The following OR2L3 variants were observed in gnomAD, a reference collection of about 807,000 sequenced individuals.
OR2L3 encodes the protein olfactory receptor family 2 subfamily L member 3.
For missense variants in OR2L3, 369 were observed against 376.6 expected (o/e 0.98, Z 0.17); for synonymous variants, 131 against 139.1 (o/e 0.94, Z 0.41).
In OR2L3 at chr1:248,061,052, C is replaced by G; in HGVS notation, c.371C>G (p.Ala124Gly). Residue 124 changes from alanine to glycine, a missense_variant, in exon 2 of 2, where the codon GCT becomes GGT. Ala to Gly is a moderately conservative substitution (Grantham distance 60, BLOSUM62 0). Transcript: ENST00000359959. ...TCTATGGCCTATGATCGTTACATTG[C>G]TATTTGCTTTCCTCTTCACTATCCC... ...LASMAYDRYI[A>G]ICFPLHYPIR... 6.2e-7 allele frequency: 1 copy of G among 1,614,088 alleles called. No homozygotes were observed. Among genetic ancestry groups the G allele is most frequent in the Admixed American group, 1.7e-5 (1 of 60,006 alleles).
At chr1:248,056,889 A>G (rs1469990340) in intron 1 of OR2L3, among the ~76,000 whole-genome samples, 1 of 151,650 alleles carries the variant, frequency 6.6e-6, no homozygotes, top group East Asian at 1.9e-4. Context: ...AGCTCAGGCA[A>G]TCTGCCCGCC....
chr1:248,060,590 G>A lies in OR2L3; in HGVS notation c.-21-71G>A, dbSNP rs1173181325. The A allele has an allele frequency of 2.9e-5, 28 of 958,574 alleles. 1 individual carries two copies. Among genetic ancestry groups the A allele is most frequent in the South Asian group, 2.5e-4 (16 of 63,758 alleles). The allele number at this position is 958,574 out of a possible 1,614,324, so 59.4% of individuals were successfully genotyped here. ...ACTCCAGTCTCAAGAATTTACTGAG[G>A]GGCTTCAAATGCATTCCCTGCAGAT... On this transcript the variant is annotated intron_variant, in intron 1 of 1. Coordinates refer to ENST00000359959, the MANE Select transcript of OR2L3 (RefSeq NM_001004687.2).
intron 1 of OR2L3, among the ~76,000 whole-genome samples, chr1:248,049,269 A>T (rs1211778906): frequency 6.6e-6 from 1 of 152,190 alleles, no homozygotes; most frequent in Admixed American, 6.6e-5. Flanking sequence ...TCACTAAATT[A>T]GGCTACTTTC....
intron 1 of OR2L3, among the ~76,000 whole-genome samples, chr1:248,048,696 G>A (rs1274087265): frequency 1.3e-5 from 2 of 152,102 alleles, no homozygotes; most frequent in African/African-American, 4.8e-5. Flanking sequence ...CCAGCCCTAT[G>A]TGCAAGTAAC....
In OR2L3 at chr1:248,062,628, A is replaced by G. The variant is rs1663680306; in HGVS notation, c.*1008A>G. ...GGCTAATAGTTGCAAAAATATAATT[A>G]GATAGAATGAATAAGAGTATTTGAT... On this transcript the variant is annotated 3_prime_UTR_variant, in exon 2 of 2. Transcript: ENST00000359959. The G allele has an allele frequency of 6.6e-6, 1 of 152,242 alleles. No individual in the cohort carries two copies. The highest frequency in any genetic ancestry group is 2.4e-5 in the African/African-American group (1 of 41,462). 9.4% of individuals were successfully genotyped at this position (152,242 alleles called of 1,614,324 possible). A position where few individuals can be genotyped will look rare whatever the true frequency, so the allele number is the denominator to read the frequency against.
rs1490008264 is a variant in OR2L3 at position 248,061,198 on chromosome 1, A to G, written c.517A>G (p.Ile173Val). 5 of 1,612,292 alleles carry G rather than the reference A, an allele frequency of 3.1e-6. No individual in the cohort carries two copies. The highest frequency in any genetic ancestry group is 2.2e-5 in the East Asian group (1 of 44,806). The change falls in exon 2 of 2, where the codon ATC (isoleucine) becomes GTC (valine). Residue 173 changes from isoleucine to valine, a missense_variant. Physicochemically the swap from Ile to Val is conservative, Grantham distance 29 (BLOSUM62 3). Coordinates refer to ENST00000359959, the MANE Select transcript of OR2L3 (RefSeq NM_001004687.2). ...LHIPYCQSRA[I>V]NHFFCDVPAM... ...TATTCCTTATTGCCAATCCAGGGCC[A>G]TCAATCATTTCTTCTGTGATGTCCC... is the stretch of plus-strand genomic sequence containing the variant.
intron 1 of OR2L3, among the ~76,000 whole-genome samples, chr1:248,056,874 T>C (rs186848423): frequency 2.6e-5 from 4 of 152,016 alleles, no homozygotes; most frequent in African/African-American, 9.7e-5. Flanking sequence ...TGTCAGAAAC[T>C]CCTGAGCTCA....
At chr1:248,060,569 C>A (rs115641792) in intron 1 of OR2L3, 92 bp from the exon 2 acceptor site, 1 of 795,916 alleles carries the variant, frequency 1.3e-6, no homozygotes, top group African/African-American at 1.7e-5. Flanking sequence ...GTGTCAACTC[C>A]AGTCTCAAGA....
chr1:248,057,857 T>A (rs1410188856), intron 1 of OR2L3, among the ~76,000 whole-genome samples: 1 of 152,242 alleles, frequency 6.6e-6, no homozygotes, highest in Non-Finnish European at 1.5e-5. Flanking sequence ...GTAATTTTGC[T>A]AATTTTATTT....
chr1:248,056,246 T>C lies in OR2L3; in HGVS notation c.-21-4415T>C, dbSNP rs1663430088. On this transcript the variant is annotated intron_variant, in intron 1 of 1. Transcript: ENST00000359959. Reference sequence around the variant, plus strand: ...TGCAGGTTAGTTACATATGTATACATGTGCCATGTTGGTCTTGATAGTGGT... The same window carrying C: ...TGCAGGTTAGTTACATATGTATACACGTGCCATGTTGGTCTTGATAGTGGT... Among the ~76,000 whole-genome samples the C allele has an allele frequency of 2.0e-5, 3 of 152,318 alleles. No individual in the cohort carries two copies. In the South Asian group the frequency reaches 6.2e-4, roughly 32 times the overall value.
In OR2L3 at chr1:248,063,311, T is replaced by A. The variant is rs1277740977; in HGVS notation, c.*1691T>A. ...CTAGTGTTCTCTTCCATGACTACCGTTAACGGTAAAGTATTACATAGTGCA... is the reference window on the plus strand; with the variant it reads ...CTAGTGTTCTCTTCCATGACTACCGATAACGGTAAAGTATTACATAGTGCA... On this transcript the variant is annotated 3_prime_UTR_variant, in exon 2 of 2. Coordinates refer to ENST00000359959, the MANE Select transcript of OR2L3 (RefSeq NM_001004687.2). The A allele has an allele frequency of 6.6e-6, 1 of 152,282 alleles. No individual in the cohort carries two copies. The highest frequency in any genetic ancestry group is 1.5e-5 in the Non-Finnish European group (1 of 68,056). 9.4% of individuals were successfully genotyped at this position (152,282 alleles called of 1,614,324 possible).
rs1248806368 is a variant in OR2L3, at chr1:248,061,239, G to A, written c.558G>A (p.Leu186=). Residue 186 remains leucine (L), a synonymous_variant, in exon 2 of 2, where the codon CTG becomes CTA. Transcript: ENST00000359959. ...FFCDVPAMVT[L]ACMDTWVYEG... ...GTGATGTCCCAGCAATGGTGACTCT[G>A]GCCTGCATGGACACCTGGGTCTATG... is the stretch of plus-strand genomic sequence containing the variant. 3.7e-6 allele frequency: 6 copies of A among 1,610,712 alleles called. No homozygotes were observed. The highest frequency in any genetic ancestry group is 5.1e-6 in the Non-Finnish European group (6 of 1,179,306).
chr1:248,058,517 T>C (rs1275147916), intron 1 of OR2L3, among the ~76,000 whole-genome samples: 2 of 152,136 alleles, frequency 1.3e-5, no homozygotes, highest in Non-Finnish European at 2.9e-5. Context: ...ATATAAACTA[T>C]TGTAAAACCT....
intron 1 of OR2L3, among the ~76,000 whole-genome samples, chr1:248,048,928 T>C (rs1038578100): frequency 6.6e-6 from 1 of 151,692 alleles, no homozygotes; most frequent in African/African-American, 2.4e-5. Flanking sequence ...TCTCTCTTTT[T>C]TTTTTTTTTG....
rs775524187 is a variant in OR2L3 at position 248,060,896 on chromosome 1, A to T, written c.215A>T (p.Tyr72Phe). The T allele has an allele frequency of 7.4e-6, 12 of 1,613,900 alleles. No individual in the cohort carries two copies. The highest frequency in any genetic ancestry group is 1.0e-5 in the Non-Finnish European group (12 of 1,179,858). Residue 72 changes from tyrosine (Y) to phenylalanine (F), a missense_variant, in exon 2 of 2, where the codon TAC becomes TTC. By Grantham distance (22) the Tyr-to-Phe change is conservative (BLOSUM62 3). Transcript: ENST00000359959. Reference protein sequence around the residue: ...LSQLSLIDLNYISTIVPKMAS... With the variant: ...LSQLSLIDLNFISTIVPKMAS... ...CAGCTCTCCCTCATTGACCTAAATTACATCTCCACCATTGTTCCTAAGATG... is the reference window on the plus strand; with the variant it reads ...CAGCTCTCCCTCATTGACCTAAATTTCATCTCCACCATTGTTCCTAAGATG...
At chr1:248,050,531 A>C (rs2103110740) in intron 1 of OR2L3, among the ~76,000 whole-genome samples, 1 of 152,222 alleles carries the variant, frequency 6.6e-6, no homozygotes, top group South Asian at 2.1e-4. Flanking sequence ...CATGGATAAT[A>C]AAAAGATGAT....
At chr1:248,052,993 C>G (rs1442029667) in intron 1 of OR2L3, among the ~76,000 whole-genome samples, 1 of 151,732 alleles carries the variant, frequency 6.6e-6, no homozygotes, top group Non-Finnish European at 1.5e-5. Context: ...GCAGGAAGAG[C>G]AGTTTTGTTT....
chr1:248,052,653 T>C (rs1425277386), intron 1 of OR2L3, among the ~76,000 whole-genome samples: 2 of 152,078 alleles, frequency 1.3e-5, no homozygotes, highest in East Asian at 3.9e-4. Flanking sequence ...ATGGTGTGAA[T>C]CTGGGAGGTG....
intron 1 of OR2L3, among the ~76,000 whole-genome samples, chr1:248,050,978 A>C (rs1385362575): frequency 1.3e-5 from 2 of 152,200 alleles, no homozygotes; most frequent in Non-Finnish European, 1.5e-5. Context: ...GTTTCAGTAC[A>C]TTTAAGGGAT....
Sources: allele counts gnomAD v4.1 joint callset (sites outside exome capture counted in the v4.1 genomes callset), GRCh38; gene constraint gnomAD v4.1.1; transcripts MANE v1.5; gene names NCBI Gene and HGNC (gene_info 2026-07-23, HGNC 2026-07-21).